The following PINX1 variants were observed in gnomAD, a reference collection of about 807,000 sequenced individuals.
The protein encoded by PINX1 is PIN2/TERF1-interacting telomerase inhibitor 1.
PINX1 carries 34 observed loss-of-function variants against 25.4 expected under a neutral mutation model. The ratio of observed to expected loss-of-function variants is 1.34; its 90% CI spans 1.02 to 1.78. PINX1 has a LOEUF of 1.78. Ranked by LOEUF, PINX1 falls within the 40% of genes most tolerant of loss-of-function variation. The pLI, the probability that PINX1 is intolerant of heterozygous loss-of-function variation, is 0.00. For missense variants in PINX1, 592 were observed against 404.9 expected (o/e 1.46, Z -3.97); for synonymous variants, 197 against 147.7 (o/e 1.33, Z -2.42).
Position 10,806,402 on chromosome 8 carries a change from G to C in PINX1, c.471+13791C>G, listed in dbSNP as rs987243121. On this transcript the variant is annotated intron_variant, in intron 6 of 6. Coordinates refer to ENST00000314787, the MANE Select transcript of PINX1 (RefSeq NM_017884.6). The stretch of plus-strand genomic sequence containing the variant: ...TAAATCTGAGGAGCAAACAGAGTAA[G>C]TTTTTGTGTTTTCTGTTTGTGTTTT... 2.2e-4 allele frequency among the ~76,000 whole-genome samples: 32 copies of C among 146,900 alleles called. 1 individual carries two copies. Among genetic ancestry groups the C allele is most frequent in the Non-Finnish European group, 4.7e-5 (3 of 64,404 alleles).
chr8:10,781,241 A>C (rs1407232854), intron 6 of PINX1, among the ~76,000 whole-genome samples: 2 of 152,222 alleles, frequency 1.3e-5, no homozygotes, highest in East Asian at 1.9e-4. Flanking sequence ...TAAAACCATT[A>C]AACTCCCAGA....
chr8:10,813,536 A>G (rs1320093288), intron 6 of PINX1, among the ~76,000 whole-genome samples: 1 of 152,160 alleles, frequency 6.6e-6, no homozygotes, highest in Non-Finnish European at 1.5e-5. Flanking sequence ...TCAGCAAGCA[A>G]TGGGGAAAAA....
intron 6 of PINX1, among the ~76,000 whole-genome samples, chr8:10,790,249 C>T: frequency 6.6e-6 from 1 of 152,118 alleles, no homozygotes; most frequent in East Asian, 1.9e-4. Flanking sequence ...CAGCAAATGA[C>T]AGAAAAAGTG....
chr8:10,832,168 A>C (rs6988598), intron 3 of PINX1, among the ~76,000 whole-genome samples: 1 of 151,940 alleles, frequency 6.6e-6, no homozygotes, highest in African/African-American at 2.4e-5. Context: ...AAAATCTTCT[A>C]ATGACTTGCA....
intron 6 of PINX1, chr8:10,771,471 A>T (rs1003981615): frequency 6.6e-6 from 1 of 152,126 alleles, no homozygotes; most frequent in Non-Finnish European, 1.5e-5. Flanking sequence ...TGTTGCTTCT[A>T]TTTTCTGTAT....
At chr8:10,791,410 C>T (rs559842036) in intron 6 of PINX1, among the ~76,000 whole-genome samples, 2 of 152,186 alleles carry the variant, frequency 1.3e-5, no homozygotes, top group Non-Finnish European at 2.9e-5. Flanking sequence ...ACTGCAGGCA[C>T]AGTATGAAGT....
At position 10,831,752 on chromosome 8, in the gene PINX1, A is replaced by T. The variant is rs1414024929; in HGVS notation, c.223-9T>A. ...TGGGCAATCCAGTTGTCCTGAAAAT[A>T]TCAAAGAAATGAACGAGAGGTAAGC... is the stretch of plus-strand genomic sequence containing the variant. On this transcript the variant is annotated splice_polypyrimidine_tract_variant and intron_variant, in intron 3 of 6. Coordinates refer to ENST00000314787, the MANE Select transcript of PINX1 (RefSeq NM_017884.6). 1 of 1,545,656 alleles carries T rather than the reference A, an allele frequency of 6.5e-7. No homozygotes were observed. The highest frequency in any genetic ancestry group is 2.3e-5 in the East Asian group (1 of 43,722).
rs769092417 is a variant in PINX1, at chr8:10,834,790, G to T, written c.20-15C>A. 6.3e-6 allele frequency: 10 copies of T among 1,586,646 alleles called. No homozygotes were observed. The highest frequency in any genetic ancestry group is 4.5e-5 in the East Asian group (2 of 44,736). ...CTTCCGCCGACCTGTAAATGAAAAA[G>T]CATTATCATCAGCAATGGAGATGAT... On this transcript the variant is annotated splice_polypyrimidine_tract_variant and intron_variant, in intron 1 of 6. Transcript: ENST00000314787.
chr8:10,831,852 A>C, intron 3 of PINX1, 109 bp from the exon 4 acceptor site: 1 of 666,036 alleles, frequency 1.5e-6, no homozygotes, highest in Non-Finnish European at 2.7e-6. Context: ...AAGAAATTTT[A>C]AATGTTCCAT....
chr8:10,831,885 A>G, intron 3 of PINX1, 142 bp from the exon 4 acceptor site: 1 of 622,228 alleles, frequency 1.6e-6, no homozygotes, highest in Non-Finnish European at 2.9e-6. Context: ...TGATAAATTT[A>G]AGTGGATTCA....
intron 6 of PINX1, among the ~76,000 whole-genome samples, chr8:10,796,752 C>G (rs1802096801): frequency 6.6e-6 from 1 of 151,586 alleles, no homozygotes; most frequent in South Asian, 2.1e-4. Context: ...AAAAGGGTTC[C>G]AGTCAAAAAA....
At chr8:10,811,214 C>G (rs1206479003) in intron 6 of PINX1, among the ~76,000 whole-genome samples, 1 of 152,158 alleles carries the variant, frequency 6.6e-6, no homozygotes, top group African/African-American at 2.4e-5. Flanking sequence ...TAACTTGCCC[C>G]AAATCACACA....
In PINX1 at chr8:10,776,464, A is replaced by C. The variant is rs532498494; in HGVS notation, c.472-10548T>G. 4.7e-5 allele frequency among the ~76,000 whole-genome samples: 7 copies of C among 148,910 alleles called. No homozygotes were observed. The South Asian group carries it at 8.3e-4, about 18-fold the overall frequency. ...AAATAAATAAACAAACAAACAAACA[A>C]ACAAATAAAAATTGGTCTTTAACAT... On this transcript the variant is annotated intron_variant, in intron 6 of 6. Transcript: ENST00000314787.
intron 6 of PINX1, among the ~76,000 whole-genome samples, chr8:10,786,031 G>A (rs1416055492): frequency 6.6e-6 from 1 of 152,152 alleles, no homozygotes; most frequent in Non-Finnish European, 1.5e-5. Context: ...TGAGTAAAAG[G>A]GAGGCAGTCA....
chr8:10,837,211 T>C (rs1411667033), intron 1 of PINX1, among the ~76,000 whole-genome samples: 2 of 152,130 alleles, frequency 1.3e-5, no homozygotes, highest in Non-Finnish European at 2.9e-5. Flanking sequence ...AGGTAGAGGG[T>C]GTCTATGTGA....
intron 1 of PINX1, among the ~76,000 whole-genome samples, chr8:10,835,148 C>T (rs1395214843): frequency 6.6e-6 from 1 of 152,218 alleles, no homozygotes; most frequent in African/African-American, 2.4e-5. Context: ...AGCAGCATTA[C>T]AGCTTCCATT....
intron 6 of PINX1, among the ~76,000 whole-genome samples, chr8:10,815,211 G>T (rs1407768618): frequency 1.3e-5 from 2 of 152,092 alleles, no homozygotes; most frequent in East Asian, 3.9e-4. Flanking sequence ...CAAAATGTTG[G>T]GATTATAGGC....
chr8:10,820,331 A>G (rs1048315750), intron 5 of PINX1, 62 bp from the exon 6 acceptor site: 6 of 1,153,972 alleles, frequency 5.2e-6, no homozygotes, highest in Non-Finnish European at 7.8e-6. Flanking sequence ...GAGCGCAGAC[A>G]TGAACTATGC....
At chr8:10,817,252 T>C (rs150799779) in intron 6 of PINX1, among the ~76,000 whole-genome samples, 38 of 152,258 alleles carry the variant, frequency 2.5e-4, no homozygotes, top group African/African-American at 8.9e-4. Context: ...CACCTTGGCC[T>C]CTGCAATGCC....
Sources: allele counts gnomAD v4.1 joint callset (sites outside exome capture counted in the v4.1 genomes callset), GRCh38; gene constraint gnomAD v4.1.1; transcripts MANE v1.5; gene names NCBI Gene and HGNC (gene_info 2026-07-23, HGNC 2026-07-21).